The following NRXN3 variants were observed in gnomAD, a reference collection of about 807,000 sequenced individuals.
NRXN3 encodes neurexin 3.
A neutral mutation model predicts 137.6 loss-of-function variants in NRXN3; 32 were observed. The ratio of observed to expected loss-of-function variants is 0.23; its 90% CI spans 0.18 to 0.31. The LOEUF (loss-of-function observed/expected upper bound fraction) is 0.31. NRXN3 is among the 10% of genes least tolerant of loss of function. The pLI, the probability that NRXN3 is intolerant of heterozygous loss-of-function variation, is 1.00. For missense variants in NRXN3, 1,574 were observed against 2,062.5 expected (o/e 0.76, Z 4.59); for synonymous variants, 798 against 784.5 (o/e 1.02, Z -0.29).
At chr14:78,983,294 G>A (rs1399469749) in intron 14 of NRXN3, among the ~76,000 whole-genome samples, 1 of 152,134 alleles carries the variant, frequency 6.6e-6, no homozygotes, top group African/African-American at 2.4e-5. Context: ...CTGCTTCTGG[G>A]TTTCAGTCCA....
intron 20 of NRXN3, among the ~76,000 whole-genome samples, chr14:79,807,518 G>T (rs2099212772): frequency 6.6e-6 from 1 of 152,122 alleles, no homozygotes; most frequent in East Asian, 1.9e-4. Flanking sequence ...GCGTAAACCT[G>T]AATGGCCCCA....
intron 10 of NRXN3, among the ~76,000 whole-genome samples, chr14:78,933,354 G>A (rs1021775572): frequency 2.6e-5 from 4 of 152,288 alleles, no homozygotes; most frequent in Non-Finnish European, 5.9e-5. Flanking sequence ...ATAGCAATTT[G>A]GCAATTCTCC....
chr14:78,200,655 A>T (rs1198498104), intron 1 of NRXN3, among the ~76,000 whole-genome samples: 1 of 152,204 alleles, frequency 6.6e-6, no homozygotes, highest in Non-Finnish European at 1.5e-5. Context: ...AGAAGAGAAA[A>T]TCCTGAACTG....
chr14:79,076,380 G>C (rs1313272841), intron 15 of NRXN3, among the ~76,000 whole-genome samples: 1 of 152,166 alleles, frequency 6.6e-6, no homozygotes, highest in Non-Finnish European at 1.5e-5. Context: ...CTCTGGCTTA[G>C]AGTCCCTCCA....
chr14:79,522,791 T>C (rs2097080279), intron 16 of NRXN3, among the ~76,000 whole-genome samples: 1 of 152,196 alleles, frequency 6.6e-6, no homozygotes, highest in Non-Finnish European at 1.5e-5. Flanking sequence ...GGAGCTGCCA[T>C]AGTTAACTAG....
chr14:79,631,402 C>CCT (rs1210430232), intron 16 of NRXN3, among the ~76,000 whole-genome samples: 5 of 152,258 alleles, frequency 3.3e-5, no homozygotes, highest in African/African-American at 9.6e-5. Context: ...TGTGGGGGCC[C>CCT]CTCTCTGGGG....
At chr14:79,234,883 G>C (rs1215551090) in intron 15 of NRXN3, among the ~76,000 whole-genome samples, 1 of 151,598 alleles carries the variant, frequency 6.6e-6, no homozygotes, top group African/African-American at 2.4e-5. Flanking sequence ...ACTACACTAG[G>C]AAAAAAAATC....
chr14:78,874,739 G>A lies in NRXN3; in HGVS notation c.2275+64395G>A, dbSNP rs141832438. On this transcript the variant is annotated intron_variant, in intron 10 of 20. Transcript: ENST00000335750. ...TCTCCAGCTCTCTCTTTGCTGGCAGGTGTCATGTTCTGACACTGATTTGGG... is the reference window on the plus strand; with the variant it reads ...TCTCCAGCTCTCTCTTTGCTGGCAGATGTCATGTTCTGACACTGATTTGGG... Among the ~76,000 whole-genome samples the A allele has an allele frequency of 9.9e-4, 150 of 152,232 alleles. No individual in the cohort carries two copies. The South Asian group carries it at 0.011, about 11-fold the overall frequency.
chr14:78,182,691 G>C (rs1002775767), intron 1 of NRXN3, among the ~76,000 whole-genome samples: 2 of 151,976 alleles, frequency 1.3e-5, no homozygotes, highest in African/African-American at 2.4e-5. Context: ...GGCTGGTCTC[G>C]AACTCCCAAC....
intron 20 of NRXN3, among the ~76,000 whole-genome samples, chr14:79,859,661 C>T: frequency 6.6e-6 from 1 of 152,136 alleles, no homozygotes; most frequent in African/African-American, 2.4e-5. Context: ...ACAGTCTTAT[C>T]TGTTAACAGC....
intron 15 of NRXN3, among the ~76,000 whole-genome samples, chr14:79,370,102 C>T (rs1260285161): frequency 6.6e-6 from 1 of 152,160 alleles, no homozygotes; most frequent in Non-Finnish European, 1.5e-5. Context: ...CTTTGCTGTT[C>T]TCCCTTGAAC....
intron 10 of NRXN3, among the ~76,000 whole-genome samples, chr14:78,862,186 A>T (rs922164063): frequency 4.6e-5 from 7 of 152,120 alleles, no homozygotes; most frequent in African/African-American, 1.4e-4. Flanking sequence ...TTGAACTTAC[A>T]CATGAATGAG....
chr14:79,207,666 C>T (rs1169040062), intron 15 of NRXN3, among the ~76,000 whole-genome samples: 3 of 152,124 alleles, frequency 2.0e-5, no homozygotes, highest in Non-Finnish European at 4.4e-5. Flanking sequence ...ACTTCTTTGG[C>T]CCGTTCTTTC....
At chr14:79,280,612 C>T (rs1566653696) in intron 15 of NRXN3, 2 of 1,362,772 alleles carry the variant, frequency 1.5e-6, no homozygotes, top group African/African-American at 1.4e-5. Context: ...CAGGTAGTGT[C>T]AAAGGTGGGA....
intron 19 of NRXN3, among the ~76,000 whole-genome samples, chr14:79,784,981 G>A (rs2099125093): frequency 6.6e-6 from 1 of 152,138 alleles, no homozygotes; most frequent in African/African-American, 2.4e-5. Context: ...TCAAAACAGA[G>A]AGCAGAATTG....
chr14:78,360,996 A>G (rs2085031134), intron 4 of NRXN3, among the ~76,000 whole-genome samples: 1 of 152,206 alleles, frequency 6.6e-6, no homozygotes, highest in South Asian at 2.1e-4. Flanking sequence ...TTCTCAGCTG[A>G]TGCTCCTCAG....
intron 1 of NRXN3, among the ~76,000 whole-genome samples, chr14:78,206,178 C>T (rs1479800545): frequency 6.6e-6 from 1 of 152,188 alleles, no homozygotes; most frequent in Non-Finnish European, 1.5e-5. Context: ...TAGAGGCTCA[C>T]TTTTTTCCTC....
chr14:79,027,601 C>T lies in NRXN3; in HGVS notation c.3262+39460C>T, dbSNP rs78060817. Reference sequence around the variant, plus strand: ...AAATATGACCATAACATTTACAGTACTGTCTGGATTGAGGTCTCTAGAATG... The same window carrying T: ...AAATATGACCATAACATTTACAGTATTGTCTGGATTGAGGTCTCTAGAATG... On this transcript the variant is annotated intron_variant, in intron 15 of 20. Coordinates refer to ENST00000335750, the MANE Select transcript of NRXN3 (RefSeq NM_001330195.2). Among the ~76,000 whole-genome samples the T allele has an allele frequency of 4.7e-3, 714 of 152,198 alleles. 11 individuals carry two copies. The highest frequency in any genetic ancestry group is 0.017 in the African/African-American group (697 of 41,534).
At chr14:78,778,768 C>CTTTCTTTA (rs760617725) in intron 8 of NRXN3, among the ~76,000 whole-genome samples, 1 of 57,430 alleles carries the variant, frequency 1.7e-5, no homozygotes, top group Non-Finnish European at 3.3e-5. Context: ...CTCTTTCTTT[C>CTTTCTTTA]TTTCTTTCTT....
Sources: gnomAD v4.1 joint callset for allele counts (sites outside exome capture counted in the v4.1 genomes callset) on GRCh38, gnomAD v4.1.1 for gene constraint, MANE v1.5 for transcripts, NCBI Gene and HGNC (gene_info 2026-07-23, HGNC 2026-07-21) for gene names.